Variants in NKD1 observed in about 807,000 individuals in gnomAD.
NKD1 encodes the protein protein naked cuticle homolog 1.
A neutral mutation model predicts 56.0 loss-of-function variants in NKD1; 21 were observed. The observed-to-expected ratio is 0.38, with a 90% CI of 0.27 to 0.54. The LOEUF is 0.54. NKD1 is among the 20% of genes least tolerant of loss of function. The pLI is 0.82. For synonymous variants in NKD1, 263 were observed against 265.7 expected, an observed-to-expected ratio of 0.99 and a Z score of 0.10; for missense variants, 578 against 642.7, an observed-to-expected ratio of 0.90 and a Z score of 1.09.
Position 50,623,399 on chromosome 16 carries a change from C to T in NKD1, c.366+1691C>T, listed in dbSNP as rs892246197. Among the ~76,000 whole-genome samples the T allele has an allele frequency of 1.3e-5, 2 of 152,092 alleles. No homozygotes were observed. The highest frequency in any genetic ancestry group is 2.9e-5 in the Non-Finnish European group (2 of 68,002). ...TAGGAGTTAGGGCTGCCAGCTTCTT[C>T]CTGGAGCCCAGCCCCGCCCTAAGCC... On this transcript the variant is annotated intron_variant, in intron 5 of 9. Coordinates refer to ENST00000268459, the MANE Select transcript of NKD1 (RefSeq NM_033119.5). The surrounding 1 kb of genome is among the most constrained non-coding windows in gnomAD (Gnocchi z 4.1).
At chr16:50,610,353 T>G (rs182570467) in intron 4 of NKD1, among the ~76,000 whole-genome samples, 3 of 152,334 alleles carry the variant, frequency 2.0e-5, no homozygotes, top group Non-Finnish European at 4.4e-5. Flanking sequence ...TAAGACCCCA[T>G]GAGGGACCCT....
intron 3 of NKD1, among the ~76,000 whole-genome samples, chr16:50,592,473 G>A (rs1229618910): frequency 2.0e-5 from 3 of 152,238 alleles, no homozygotes; most frequent in African/African-American, 4.8e-5. Flanking sequence ...GAGAGGGTTA[G>A]CGGTGTCCTT....
At chr16:50,595,304 C>T (rs1961450287) in intron 3 of NKD1, among the ~76,000 whole-genome samples, 2 of 152,134 alleles carry the variant, frequency 1.3e-5, no homozygotes, top group African/African-American at 4.8e-5. Context: ...AACTAAAATT[C>T]ACAAAAGGAC....
chr16:50,574,596 C>T (rs1463379230), intron 3 of NKD1: 4 of 985,332 alleles, frequency 4.1e-6, no homozygotes, highest in Non-Finnish European at 4.8e-6. Flanking sequence ...AGCAGCTGGC[C>T]TCGCAGGCCT....
chr16:50,607,730 T>C (rs1961745046), intron 3 of NKD1: 1 of 154,134 alleles, frequency 6.5e-6, no homozygotes, highest in Admixed American at 6.4e-5. Context: ...TAAAAGAATC[T>C]TCTTTGATCA....
At chr16:50,576,336 C>T (rs1960993300) in intron 3 of NKD1, among the ~76,000 whole-genome samples, 2 of 152,340 alleles carry the variant, frequency 1.3e-5, no homozygotes, top group Non-Finnish European at 2.9e-5. Context: ...ACTCCCTCTC[C>T]TCTCCTCCTC....
chr16:50,560,565 C>T lies in NKD1; in HGVS notation c.192+11010C>T, dbSNP rs374563368. On this transcript the variant is annotated intron_variant, in intron 3 of 9. Coordinates refer to ENST00000268459, the MANE Select transcript of NKD1 (RefSeq NM_033119.5). ...TTAACTTGGAAGTGGAATCTTGCTT[C>T]AGCAAGATTCAAATTCAGATCACTC... Among the ~76,000 whole-genome samples the T allele has an allele frequency of 7.9e-5, 12 of 151,692 alleles. 1 individual carries two copies. The highest frequency in any genetic ancestry group is 3.9e-4 in the Admixed American group (6 of 15,258).
At chr16:50,605,277 T>C (rs1370603067) in intron 3 of NKD1, among the ~76,000 whole-genome samples, 1 of 152,254 alleles carries the variant, frequency 6.6e-6, no homozygotes, top group Non-Finnish European at 1.5e-5. Flanking sequence ...GTGACTGTCA[T>C]TAGAACTGTT....
intron 3 of NKD1, among the ~76,000 whole-genome samples, chr16:50,596,067 G>A (rs960094454): frequency 6.6e-6 from 1 of 152,240 alleles, no homozygotes; most frequent in East Asian, 1.9e-4. Context: ...GAATCAAAGC[G>A]CTGTCTGCAT....
At chr16:50,617,686 C>T (rs1391170984) in intron 4 of NKD1, among the ~76,000 whole-genome samples, 1 of 152,150 alleles carries the variant, frequency 6.6e-6, no homozygotes, top group Non-Finnish European at 1.5e-5. Context: ...ATTACCAACC[C>T]CCCAGATTCA....
rs1313255932 is a variant in NKD1 at position 50,598,256 on chromosome 16, T to TGCGCGC, written c.193-10037_193-10036insCGCGCG. 6.9e-6 allele frequency among the ~76,000 whole-genome samples: 1 copy of TGCGCGC among 144,100 alleles called. No homozygotes were observed. Among genetic ancestry groups the TGCGCGC allele is most frequent in the African/African-American group, 2.7e-5 (1 of 37,186 alleles). The allele number at this position is 144,100 out of a possible 152,430, so 94.5% of individuals were successfully genotyped here. A position where few individuals can be genotyped will look rare whatever the true frequency, so the allele number is the denominator to read the frequency against. ...GTGTGTGTGTGTGTGTGTGTGTGTG[T>TGCGCGC]GTGTGTGCGCGCACACCTGTGCTCA... On this transcript the variant is annotated intron_variant, in intron 3 of 9. Transcript: ENST00000268459. This position sits in a 1 kb window ranked among gnomAD's most constrained non-coding sequence, Gnocchi z 4.2.
chr16:50,608,207 C>G (rs1348344952), intron 3 of NKD1, 87 bp from the exon 4 acceptor site: 3 of 906,382 alleles, frequency 3.3e-6, no homozygotes, highest in Non-Finnish European at 5.6e-6. Flanking sequence ...GAAGAATCAG[C>G]CCAGGGTCCT....
intron 3 of NKD1, among the ~76,000 whole-genome samples, chr16:50,562,983 A>ACCCCCCCCCCCCCCCCCC (rs1483596865): frequency 1.3e-4 from 7 of 53,496 alleles, no homozygotes; most frequent in African/African-American, 4.0e-4. Flanking sequence ...AGGTCCCACC[A>ACCCCCCCCCCCCCCCCCC]CCACCCCCCC....
chr16:50,578,258 C>G (rs1318477129), intron 3 of NKD1, among the ~76,000 whole-genome samples: 2 of 152,206 alleles, frequency 1.3e-5, no homozygotes, highest in African/African-American at 4.8e-5. Context: ...TGTACCACTT[C>G]TGCTCATGTT....
chr16:50,626,004 G>A (rs555331694), intron 6 of NKD1, among the ~76,000 whole-genome samples: 6 of 152,350 alleles, frequency 3.9e-5, no homozygotes, highest in African/African-American at 1.4e-4. Context: ...CCAGGAGCTT[G>A]GGGGTGGGGG....
rs534016321 is a variant in NKD1 at position 50,548,410 on chromosome 16, G to T, written c.-144G>T. The T allele has an allele frequency of 3.2e-6, 1 of 308,978 alleles. No homozygotes were observed. Among genetic ancestry groups the T allele is most frequent in the East Asian group, 8.2e-5 (1 of 12,192 alleles). The allele number at this position is 308,978 out of a possible 1,614,324, so 19.1% of individuals were successfully genotyped here. ...TCCCGGGCGTCAGTCGGGCCGCGGCGACGGCGGCAGGAGCGCGTCCCGGCG... is the reference window on the plus strand; with the variant it reads ...TCCCGGGCGTCAGTCGGGCCGCGGCTACGGCGGCAGGAGCGCGTCCCGGCG... On this transcript the variant is annotated 5_prime_UTR_variant, in exon 1 of 10. Transcript: ENST00000268459.
intron 4 of NKD1, among the ~76,000 whole-genome samples, chr16:50,619,797 C>G (rs562469978): frequency 3.3e-5 from 5 of 152,304 alleles, no homozygotes; most frequent in African/African-American, 1.2e-4. Flanking sequence ...GTGATCCACC[C>G]AGGGTCACAC....
intron 3 of NKD1, chr16:50,562,377 G>A (rs1485240229): frequency 1.8e-6 from 1 of 563,314 alleles, no homozygotes. Flanking sequence ...CTGAGGAATG[G>A]AGAATTTTGC....
At chr16:50,606,861 A>C (rs1370695062) in intron 3 of NKD1, 1 of 456,696 alleles carries the variant, frequency 2.2e-6, no homozygotes, top group Admixed American at 2.3e-5. Flanking sequence ...TCTCTTCTGC[A>C]TGAAAGATGG....
Sources: gnomAD v4.1 joint callset for allele counts (sites outside exome capture counted in the v4.1 genomes callset) on GRCh38, gnomAD v4.1.1 for gene constraint, Gnocchi (gnomAD v3.1) non-coding constraint, MANE v1.5 for transcripts, NCBI Gene and HGNC (gene_info 2026-07-23, HGNC 2026-07-21) for gene names.